HSP90AA1: variants seen among roughly 807,000 people sequenced by gnomAD.
HSP90AA1 encodes the protein heat shock protein 90 alpha family class A member 1.
A neutral mutation model predicts 73.3 loss-of-function variants in HSP90AA1; 18 were observed. The observed-to-expected ratio is 0.25, with a 90% CI of 0.17 to 0.36. The LOEUF (loss-of-function observed/expected upper bound fraction) is 0.36, where lower values mean the gene tolerates loss of function less well. Ranked by LOEUF, HSP90AA1 falls within the 10% of genes least tolerant of loss-of-function variation. The pLI is 1.00. For missense variants in HSP90AA1, 704 were observed against 874.2 expected (o/e 0.81, Z 2.45); for synonymous variants, 477 against 296.9 (o/e 1.61, Z -6.24).
chr14:102,125,963 A>G (rs528438031), intron 1 of HSP90AA1, among the ~76,000 whole-genome samples: 12 of 152,180 alleles, frequency 7.9e-5, no homozygotes, highest in Non-Finnish European at 1.5e-4. Flanking sequence ...TTATTTAAGA[A>G]AACATATAAA....
chr14:102,089,400 C>G (rs1215784184), upstream of HSP90AA1, among the ~76,000 whole-genome samples: 2 of 152,206 alleles, frequency 1.3e-5, no homozygotes, highest in Non-Finnish European at 2.9e-5. Context: ...AGCTCTCCCC[C>G]CTCGGTTAAT....
chr14:102,097,029 C>T (rs1301609379), intron 2 of HSP90AA1, among the ~76,000 whole-genome samples: 1 of 151,988 alleles, frequency 6.6e-6, no homozygotes, highest in Non-Finnish European at 1.5e-5. Context: ...GCTCTGTCGC[C>T]CAGGCTGGAG....
At chr14:102,086,769 G>A (rs1277698366) in intron 1 of HSP90AA1, among the ~76,000 whole-genome samples, 1 of 151,628 alleles carries the variant, frequency 6.6e-6, no homozygotes, top group East Asian at 1.9e-4. Context: ...CTGCTGCAGA[G>A]CCTCGGGGAG....
In HSP90AA1 at chr14:102,139,217, A is replaced by G. The variant is rs1320364270; in HGVS notation, c.155+33T>C. Reference sequence around the variant, plus strand: ...CCCCCTACCCCGCCTGAAATAAAACATAGTGAAGCGTAAATCTTGAGTCCC... The same window carrying G: ...CCCCCTACCCCGCCTGAAATAAAACGTAGTGAAGCGTAAATCTTGAGTCCC... On this transcript the variant is annotated intron_variant, in intron 1 of 11. Coordinates refer to the HSP90AA1 transcript ENST00000334701. 3 of 1,613,262 alleles carry G rather than the reference A, an allele frequency of 1.9e-6. No homozygotes were observed. The South Asian group carries it at 3.3e-5, about 18-fold the overall frequency.
intron 1 of HSP90AA1, among the ~76,000 whole-genome samples, chr14:102,135,864 C>G (rs1319945389): frequency 6.6e-6 from 1 of 152,240 alleles, no homozygotes; most frequent in Non-Finnish European, 1.5e-5. Context: ...AAGAGCCGCA[C>G]GCAGCCCCGG....
chr14:102,087,692 C>G (rs2049280429), upstream of HSP90AA1, among the ~76,000 whole-genome samples: 1 of 152,164 alleles, frequency 6.6e-6, no homozygotes, highest in Non-Finnish European at 1.5e-5. Flanking sequence ...GCGGCCTGCG[C>G]GCTCGGGGAT....
chr14:102,090,637 G>C (rs139958925), upstream of HSP90AA1, among the ~76,000 whole-genome samples: 135 of 152,212 alleles, frequency 8.9e-4, no homozygotes, highest in Middle Eastern at 0.014. Flanking sequence ...TCTTTAAGTA[G>C]AGAGGGGGTT....
chr14:102,087,244 C>G, upstream of HSP90AA1: 1 of 809,446 alleles, frequency 1.2e-6, no homozygotes, highest in Non-Finnish European at 1.5e-6. Context: ...GTGGCCCGGC[C>G]CGGGCAACCT....
intron 1 of HSP90AA1, among the ~76,000 whole-genome samples, chr14:102,116,109 G>A (rs1566732689): frequency 1.3e-5 from 2 of 151,876 alleles, no homozygotes; most frequent in Non-Finnish European, 1.5e-5. Context: ...CCGCCACCAC[G>A]CCCAACTAAT....
chr14:102,123,905 A>AT (rs1182716256), intron 1 of HSP90AA1, among the ~76,000 whole-genome samples: 1 of 151,960 alleles, frequency 6.6e-6, no homozygotes, highest in Non-Finnish European at 1.5e-5. Context: ...GGCTCAGGCA[A>AT]TGATCCCACC....
At chr14:102,122,319 C>T (rs1160372156) in intron 1 of HSP90AA1, among the ~76,000 whole-genome samples, 3 of 147,552 alleles carry the variant, frequency 2.0e-5, no homozygotes, top group East Asian at 2.0e-4. Flanking sequence ...CTCGCTCTGT[C>T]GCCCAGGCTG....
intron 2 of HSP90AA1, among the ~76,000 whole-genome samples, chr14:102,097,677 G>A (rs1445784876): frequency 3.3e-5 from 5 of 152,138 alleles, no homozygotes; most frequent in African/African-American, 1.2e-4. Flanking sequence ...AACTAGAGGA[G>A]GAATGAGCAG....
chr14:102,136,468 C>T (rs1309480716), intron 1 of HSP90AA1, among the ~76,000 whole-genome samples: 1 of 138,264 alleles, frequency 7.2e-6, no homozygotes, highest in African/African-American at 2.7e-5. Flanking sequence ...ACTCGGGAGG[C>T]TGAGGCAGAA....
At chr14:102,138,789 A>T (rs2050111963) in intron 1 of HSP90AA1, among the ~76,000 whole-genome samples, 1 of 152,132 alleles carries the variant, frequency 6.6e-6, no homozygotes, top group South Asian at 2.1e-4. Flanking sequence ...AAGCTTTCTT[A>T]TTCTGGTGTA....
At chr14:102,084,178 G>T (rs1005928054) in intron 6 of HSP90AA1, 195 bp from the exon 7 acceptor site, 5 of 680,460 alleles carry the variant, frequency 7.3e-6, no homozygotes, top group Non-Finnish European at 1.3e-5. Context: ...GGTTCAAGCT[G>T]TTTTCATGCC....
At position 102,084,534 on chromosome 14, in the gene HSP90AA1, T is replaced by G. The variant is rs747929866; in HGVS notation, c.1012A>C (p.Arg338=). Residue 338 remains arginine (R), a synonymous_variant, in exon 6 of 11, where the codon AGA becomes CGA. Transcript: ENST00000216281. The part of the protein sequence containing the change: ...HFSVEGQLEF[R]ALLFVPRRAP... ...CGTCGTGGGACAAATAGAAGGGCTC[T>G]GAATTCCAACTGTCCTTCAACTGAA... 3 of 1,614,116 alleles carry G rather than the reference T, an allele frequency of 1.9e-6. No homozygotes were observed. The highest frequency in any genetic ancestry group is 2.5e-6 in the Non-Finnish European group (3 of 1,180,040).
At chr14:102,125,990 GTA>G (rs2049834486) in intron 1 of HSP90AA1, among the ~76,000 whole-genome samples, 1 of 152,132 alleles carries the variant, frequency 6.6e-6, no homozygotes, top group African/African-American at 2.4e-5. Flanking sequence ...TGTGTATGAT[GTA>G]TATATTATTA....
chr14:102,109,657 G>T (rs939473794), intron 1 of HSP90AA1, among the ~76,000 whole-genome samples: 4 of 152,144 alleles, frequency 2.6e-5, no homozygotes, highest in African/African-American at 7.2e-5. Flanking sequence ...CATGAAAATG[G>T]ACTAATACAG....
At chr14:102,086,613 G>A (rs1329876569) in intron 1 of HSP90AA1, among the ~76,000 whole-genome samples, 3 of 151,554 alleles carry the variant, frequency 2.0e-5, no homozygotes, top group African/African-American at 7.3e-5. Flanking sequence ...GTCCCCCGCC[G>A]CGGTCCCCAA....
Sources: gnomAD v4.1 joint callset for allele counts (sites outside exome capture counted in the v4.1 genomes callset) on GRCh38, gnomAD v4.1.1 for gene constraint, MANE v1.5 for transcripts, NCBI Gene and HGNC (gene_info 2026-07-23, HGNC 2026-07-21) for gene names.